Variants in NAV2 observed in about 807,000 individuals in gnomAD.
The protein encoded by NAV2 is neuron navigator 2, also known as helicase, APC down-regulated 1.
A neutral mutation model predicts 223.2 loss-of-function variants in NAV2; 54 were observed. The observed-to-expected ratio is 0.24, with a 90% CI of 0.19 to 0.30. The LOEUF (loss-of-function observed/expected upper bound fraction) is 0.30, where lower values mean the gene tolerates loss of function less well. Ranked by LOEUF, NAV2 falls within the 10% of genes least tolerant of loss-of-function variation. The pLI, the probability that NAV2 is intolerant of heterozygous loss-of-function variation, is 1.00. For missense variants in NAV2, 2,806 were observed against 3,147.5 expected (o/e 0.89, Z 2.60); for synonymous variants, 1,279 against 1,239.3 (o/e 1.03, Z -0.67).
intron 24 of NAV2, among the ~76,000 whole-genome samples, chr11:20,079,229 C>A (rs1047132466): frequency 6.6e-6 from 1 of 152,106 alleles, no homozygotes; most frequent in Admixed American, 6.5e-5. Flanking sequence ...TTAGTAGAGA[C>A]AGGGTTTCAC....
chr11:19,665,484 G>A (rs1208635534), intron 1 of NAV2, among the ~76,000 whole-genome samples: 5 of 152,154 alleles, frequency 3.3e-5, no homozygotes, highest in African/African-American at 9.7e-5. Flanking sequence ...GCTTAACCCA[G>A]GAAAAGACTT....
chr11:19,405,416 C>T (rs1849854910), intron 1 of NAV2, among the ~76,000 whole-genome samples: 1 of 152,194 alleles, frequency 6.6e-6, no homozygotes, highest in Non-Finnish European at 1.5e-5. Context: ...TAAATGATCC[C>T]TTCCTTTCTG....
At chr11:20,074,996 A>G (rs1211742184) in intron 22 of NAV2, among the ~76,000 whole-genome samples, 1 of 152,010 alleles carries the variant, frequency 6.6e-6, no homozygotes, top group Non-Finnish European at 1.5e-5. Context: ...AACTGAAATC[A>G]ATGGAAATCC....
intron 1 of NAV2, among the ~76,000 whole-genome samples, chr11:19,721,410 TG>T (rs1367359651): frequency 6.6e-6 from 1 of 152,164 alleles, no homozygotes; most frequent in Non-Finnish European, 1.5e-5. Flanking sequence ...CATTGTTGAG[TG>T]TTAACTGGCC....
At chr11:19,417,969 G>C (rs1001375637) in intron 1 of NAV2, among the ~76,000 whole-genome samples, 3 of 152,108 alleles carry the variant, frequency 2.0e-5, no homozygotes, top group Non-Finnish European at 2.9e-5. Flanking sequence ...GGGCCTGTCA[G>C]GGGATGGGCG....
Position 20,023,165 on chromosome 11 carries a change from G to T in NAV2, c.2769-12794G>T, listed in dbSNP as rs777487748. On this transcript the variant is annotated intron_variant, in intron 11 of 37. Coordinates refer to ENST00000349880, the MANE Select transcript of NAV2 (RefSeq NM_145117.5). ...GATTTTCTAAAATTTCTGGGGCCAG[G>T]GGGTGGGTGTGGTGCATGTACTGCC... is the stretch of plus-strand genomic sequence containing the variant. The T allele has an allele frequency of 5.9e-5, 92 of 1,549,124 alleles. 1 individual carries two copies. Among genetic ancestry groups the T allele is most frequent in the Admixed American group, 7.8e-5 (4 of 50,970 alleles).
intron 1 of NAV2, among the ~76,000 whole-genome samples, chr11:19,563,047 A>T (rs1471557543): frequency 6.6e-6 from 1 of 152,250 alleles, no homozygotes; most frequent in Non-Finnish European, 1.5e-5. Context: ...GACCTATCAG[A>T]AAGCAGAAGC....
At chr11:19,441,012 T>A (rs377744616) in intron 1 of NAV2, among the ~76,000 whole-genome samples, 6 of 152,130 alleles carry the variant, frequency 3.9e-5, no homozygotes, top group Non-Finnish European at 8.8e-5. Flanking sequence ...AATTGTGTAA[T>A]TAAAACTGTG....
At chr11:20,090,807 G>C (rs749252863) in intron 26 of NAV2, 58 bp from the exon 27 acceptor site, 15 of 1,560,362 alleles carry the variant, frequency 9.6e-6, no homozygotes, top group Non-Finnish European at 1.3e-5. Context: ...ATGTGGACCA[G>C]TGTTCAGTAG....
chr11:20,091,077 C>G (rs2060810865), intron 27 of NAV2, 59 bp downstream of exon 27: 6 of 1,571,864 alleles, frequency 3.8e-6, no homozygotes, highest in Non-Finnish European at 5.2e-6. Context: ...CTCCCAGAGG[C>G]TGCTCTCCAC....
chr11:19,856,741 G>A (rs1483380546), intron 3 of NAV2, among the ~76,000 whole-genome samples: 1 of 152,090 alleles, frequency 6.6e-6, no homozygotes, highest in African/African-American at 2.4e-5. Flanking sequence ...GCGGACCCAT[G>A]GCCTTCATTC....
intron 1 of NAV2, among the ~76,000 whole-genome samples, chr11:19,522,828 A>G (rs1372344200): frequency 6.6e-6 from 1 of 152,234 alleles, no homozygotes; most frequent in Non-Finnish European, 1.5e-5. Flanking sequence ...TAATTCCCCA[A>G]TGTCAACAGA....
At chr11:19,790,364 C>A (rs1177738711) in intron 1 of NAV2, among the ~76,000 whole-genome samples, 9 of 152,218 alleles carry the variant, frequency 5.9e-5, no homozygotes, top group African/African-American at 2.2e-4. Flanking sequence ...TGCTTAAGGT[C>A]ACAGCCCAAA....
At chr11:19,849,867 C>T (rs1446304250) in intron 3 of NAV2, among the ~76,000 whole-genome samples, 1 of 152,198 alleles carries the variant, frequency 6.6e-6, no homozygotes, top group Non-Finnish European at 1.5e-5. Flanking sequence ...TGTTGGCCAT[C>T]GTTCATTGTC....
intron 1 of NAV2, among the ~76,000 whole-genome samples, chr11:19,398,041 C>T (rs1404205568): frequency 1.3e-5 from 2 of 152,042 alleles, no homozygotes; most frequent in Non-Finnish European, 2.9e-5. Flanking sequence ...TGGCTTCCCC[C>T]GCGTATTAGA....
intron 22 of NAV2, among the ~76,000 whole-genome samples, chr11:20,076,675 A>G (rs953152333): frequency 4.6e-5 from 7 of 152,342 alleles, no homozygotes; most frequent in Admixed American, 2.6e-4. Flanking sequence ...GTGTTAGGGC[A>G]CAAAGTTACC....
In NAV2 at chr11:20,101,582, C is replaced by T. The variant is rs113604886; in HGVS notation, c.6417+410C>T. Among the ~76,000 whole-genome samples, 607 of 152,292 alleles carry T rather than the reference C, an allele frequency of 4.0e-3. 3 individuals carry two copies. Among genetic ancestry groups the T allele is most frequent in the African/African-American group, 0.014 (578 of 41,538 alleles). Reference sequence around the variant, plus strand: ...GCCCCATCACCAGCAAACACCTTCTCACAGCAATACCTTCACGGGAGTAGT... The same window carrying T: ...GCCCCATCACCAGCAAACACCTTCTTACAGCAATACCTTCACGGGAGTAGT... On this transcript the variant is annotated intron_variant, in intron 32 of 37. Coordinates refer to ENST00000349880, the MANE Select transcript of NAV2 (RefSeq NM_145117.5).
intron 36 of NAV2, among the ~76,000 whole-genome samples, chr11:20,112,728 G>A (rs991757584): frequency 2.0e-5 from 3 of 152,184 alleles, no homozygotes; most frequent in Admixed American, 6.5e-5. Flanking sequence ...GGAAGCTGAG[G>A]TTCTAGGTTC....
At chr11:19,597,629 T>C (rs1174557904) in intron 1 of NAV2, among the ~76,000 whole-genome samples, 1 of 152,246 alleles carries the variant, frequency 6.6e-6, no homozygotes, top group East Asian at 1.9e-4. Context: ...GCCTGCCGTA[T>C]AGGTTTTTAA....
Sources: allele counts gnomAD v4.1 joint callset (sites outside exome capture counted in the v4.1 genomes callset), GRCh38; gene constraint gnomAD v4.1.1; transcripts MANE v1.5; gene names NCBI Gene and HGNC (gene_info 2026-07-23, HGNC 2026-07-21).